GLOD4: variants seen among roughly 807,000 people sequenced by gnomAD.
GLOD4 encodes glyoxalase domain containing 4, also known as glyoxalase domain-containing protein 4.
GLOD4 carries 44 observed loss-of-function variants against 39.1 expected under a neutral mutation model. That is an observed-to-expected ratio of 1.13 (90% CI 0.88 to 1.45). The LOEUF (loss-of-function observed/expected upper bound fraction) is 1.45. Among genes scored for constraint, GLOD4 ranks in the 40% most tolerant of loss-of-function variants. GLOD4 has a pLI of 0.00. For synonymous variants in GLOD4, 145 were observed against 135.0 expected (o/e 1.07, Z -0.52); for missense variants, 405 against 366.4 (o/e 1.11, Z -0.86).
At chr17:782,996 A>G, upstream of GLOD4, 2 of 1,507,420 alleles carry the variant, frequency 1.3e-6, no homozygotes, top group South Asian at 1.3e-5. Context: ...CCCTCTCCGT[A>G]GCTCTTTATT....
chr17:763,591 A>C (rs529043003), intron 8 of GLOD4: 5 of 152,250 alleles, frequency 3.3e-5, no homozygotes, highest in South Asian at 2.1e-4. Flanking sequence ...ATTTCTTTTT[A>C]TTTTTATTTA....
At chr17:766,924 TAATTA>T (rs1426757571) in intron 8 of GLOD4, among the ~76,000 whole-genome samples, 3 of 152,244 alleles carry the variant, frequency 2.0e-5, no homozygotes, top group African/African-American at 4.8e-5. Flanking sequence ...GTAATTAATT[TAATTA>T]AATTAAGAGC....
At chr17:776,837 CA>C in intron 3 of GLOD4, 30 bp downstream of exon 3, 1 of 1,591,452 alleles carries the variant, frequency 6.3e-7, no homozygotes, top group Non-Finnish European at 8.6e-7. Context: ...TACCCCCAGC[CA>C]AAACTCTGCT....
chr17:770,464 G>A lies in GLOD4; in HGVS notation c.587C>T (p.Ala196Val), dbSNP rs376272824. The A allele has an allele frequency of 3.8e-6, 6 of 1,595,898 alleles. No individual in the cohort carries two copies. The highest frequency in any genetic ancestry group is 3.3e-5 in the Admixed American group (2 of 59,980). The change falls in exon 6 of 9, where the codon GCA becomes GTA. Residue 196 changes from alanine to valine, a missense_variant. Transcript: ENST00000301329. Reference sequence around the variant, plus strand: ...GAAGGCAATTCTTCCAAAAGCTGCTGCATGGTCCACCCCACCCTTGACGCC... The same window carrying A: ...GAAGGCAATTCTTCCAAAAGCTGCTACATGGTCCACCCCACCCTTGACGCC... ...LQGVKGGVDH[A>V]AAFGRIAFSC... is the part of the protein sequence containing the mutation.
chr17:782,739 T>C, upstream of GLOD4: 1 of 1,545,758 alleles, frequency 6.5e-7, no homozygotes, highest in East Asian at 2.3e-5. Context: ...TCCCTTCCCG[T>C]CGCACAGCGG....
chr17:781,675 G>T (rs368501810), intron 1 of GLOD4, among the ~76,000 whole-genome samples: 57 of 152,044 alleles, frequency 3.7e-4, no homozygotes, highest in Non-Finnish European at 6.3e-4. Flanking sequence ...ACCGCTTCTG[G>T]GTGCTGTTGA....
At chr17:776,775 T>C (rs1909032945) in intron 3 of GLOD4, 93 bp downstream of exon 3, 1 of 927,330 alleles carries the variant, frequency 1.1e-6, no homozygotes, top group African/African-American at 1.6e-5. Context: ...AAATGTTATC[T>C]CTTCACTCAC....
At chr17:768,851 C>T (rs1030049430) in intron 8 of GLOD4, among the ~76,000 whole-genome samples, 1 of 147,950 alleles carries the variant, frequency 6.8e-6, no homozygotes, top group African/African-American at 2.5e-5. Context: ...AGAAACAGCG[C>T]GCACTCAGAT....
At chr17:784,845 G>A (rs185421975), upstream of GLOD4, among the ~76,000 whole-genome samples, 1 of 152,104 alleles carries the variant, frequency 6.6e-6, no homozygotes, top group Non-Finnish European at 1.5e-5. Flanking sequence ...ATGGCTTTTG[G>A]CCATCTGTGA....
intron 1 of GLOD4, among the ~76,000 whole-genome samples, chr17:781,278 T>G (rs1909898349): frequency 1.3e-5 from 2 of 152,148 alleles, no homozygotes; most frequent in Admixed American, 1.3e-4. Flanking sequence ...AAGGGACAGC[T>G]CTGTGGTTTC....
chr17:776,645 C>T (rs1909014826), intron 3 of GLOD4, among the ~76,000 whole-genome samples: 2 of 152,244 alleles, frequency 1.3e-5, no homozygotes, highest in Admixed American at 6.5e-5. Context: ...GGCTTCCTTA[C>T]ACCTCCTCGA....
chr17:766,595 C>CA (rs1295708699), intron 8 of GLOD4, among the ~76,000 whole-genome samples: 2 of 151,826 alleles, frequency 1.3e-5, no homozygotes, highest in African/African-American at 2.4e-5. Context: ...GAATCCGTCT[C>CA]AAAAAATAAA....
Position 771,357 on chromosome 17 carries a change from G to C in GLOD4, c.511C>G (p.Gln171Glu), listed in dbSNP as rs1217762889. 1.2e-6 allele frequency: 2 copies of C among 1,603,636 alleles called. No individual in the cohort carries two copies. The highest frequency in any genetic ancestry group is 1.7e-6 in the Non-Finnish European group (2 of 1,173,268). Reference sequence around the variant, plus strand: ...TCAGCATAGCCCAGCAAAGCCCTTTGCTTTTCTTCATCTTTTTCATAAATT... The same window carrying C: ...TCAGCATAGCCCAGCAAAGCCCTTTCCTTTTCTTCATCTTTTTCATAAATT... ...MKIYEKDEEKQRALLGYADNQ... is the reference protein window; with the variant it reads ...MKIYEKDEEKERALLGYADNQ... The change falls in exon 5 of 9, where the codon CAA becomes GAA. Residue 171 changes from glutamine (Q) to glutamate (E), a missense_variant. Coordinates refer to ENST00000301329, the MANE Select transcript of GLOD4 (RefSeq NM_016080.4).
At chr17:779,251 T>C (rs376028996) in intron 1 of GLOD4, among the ~76,000 whole-genome samples, 1 of 129,928 alleles carries the variant, frequency 7.7e-6, no homozygotes, top group African/African-American at 3.0e-5. Context: ...GAGATGGAGG[T>C]TGCAGTGAGC....
upstream of GLOD4, among the ~76,000 whole-genome samples, chr17:785,711 A>G (rs2144520240): frequency 6.6e-6 from 1 of 152,366 alleles, no homozygotes; most frequent in African/African-American, 2.4e-5. Flanking sequence ...GTATTTGAAA[A>G]AGGGGTTGTT....
At chr17:776,377 G>A (rs889015260) in intron 3 of GLOD4, among the ~76,000 whole-genome samples, 8 of 152,196 alleles carry the variant, frequency 5.3e-5, no homozygotes, top group Non-Finnish European at 2.9e-5. Context: ...TTCTGGCTCG[G>A]TTTATTATAA....
upstream of GLOD4, among the ~76,000 whole-genome samples, chr17:784,364 T>A (rs1910435082): frequency 6.6e-6 from 1 of 152,218 alleles, no homozygotes; most frequent in Admixed American, 6.5e-5. Context: ...GAATTACTCA[T>A]GCTAAGTAAC....
At chr17:782,820 G>T, upstream of GLOD4, 2 of 1,014,834 alleles carry the variant, frequency 2.0e-6, no homozygotes, top group Non-Finnish European at 2.8e-6. Context: ...TGCACAGAGG[G>T]CCGAATAAGC....
Position 759,861 on chromosome 17 carries a change from C to A in GLOD4, c.*312G>T, listed in dbSNP as rs1303063995. On this transcript the variant is annotated 3_prime_UTR_variant, in exon 9 of 9. Coordinates refer to ENST00000301329, the MANE Select transcript of GLOD4 (RefSeq NM_016080.4). ...AACCCTAACTATCCGCAATCCCAAC[C>A]AAAGTCATGTTCATGCCGCTGTCCT... 1.9e-5 allele frequency: 6 copies of A among 307,692 alleles called. No homozygotes were observed. The highest frequency in any genetic ancestry group is 6.6e-5 in the South Asian group (1 of 15,220). The allele number at this position is 307,692 out of a possible 1,614,324, so 19.1% of individuals were successfully genotyped here. A position where few individuals can be genotyped will look rare whatever the true frequency, so the allele number is the denominator to read the frequency against.
Sources: allele counts gnomAD v4.1 joint callset (sites outside exome capture counted in the v4.1 genomes callset), GRCh38; gene constraint gnomAD v4.1.1; transcripts MANE v1.5; gene names NCBI Gene and HGNC (gene_info 2026-07-23, HGNC 2026-07-21).